The following CSMD3 variants were observed in gnomAD, a reference collection of about 807,000 sequenced individuals.
CSMD3 encodes CUB and sushi domain-containing protein 3.
In CSMD3, 177 loss-of-function variants were observed where a neutral mutation model predicts 435.2. The observed-to-expected ratio is 0.41, with a 90% CI of 0.36 to 0.46. The LOEUF is 0.46. Ranked by LOEUF, CSMD3 falls within the 20% of genes least tolerant of loss-of-function variation. The probability of loss-of-function intolerance (pLI) is 0.34; values close to 1 mark genes in which losing one functional copy is unlikely to be tolerated. For missense variants in CSMD3, 4,265 were observed against 4,504.6 expected (o/e 0.95, Z 1.52); for synonymous variants, 1,656 against 1,520.5 (o/e 1.09, Z -2.07).
chr8:112,259,607 T>TA (rs1458233335), intron 61 of CSMD3, among the ~76,000 whole-genome samples: 9 of 152,006 alleles, frequency 5.9e-5, no homozygotes, highest in Admixed American at 2.0e-4. Flanking sequence ...AAATAAATAT[T>TA]AAAATGAAAT....
intron 12 of CSMD3, among the ~76,000 whole-genome samples, chr8:112,801,564 AT>A: frequency 6.6e-6 from 1 of 152,212 alleles, no homozygotes; most frequent in South Asian, 2.1e-4. Flanking sequence ...GCCAAAAACC[AT>A]TTTAAATTAC....
intron 11 of CSMD3, among the ~76,000 whole-genome samples, chr8:112,858,663 C>G (rs1587494829): frequency 6.6e-6 from 1 of 151,826 alleles, no homozygotes; most frequent in Non-Finnish European, 1.5e-5. Flanking sequence ...GGCAATTCAA[C>G]TTTTTGAAAT....
Position 112,661,931 on chromosome 8 carries a change from G to A in CSMD3, c.2816+4346C>T, listed in dbSNP as rs565515399. On this transcript the variant is annotated intron_variant, in intron 17 of 70. Coordinates refer to ENST00000297405, the MANE Select transcript of CSMD3 (RefSeq NM_198123.2). Reference sequence around the variant, plus strand: ...ATCACTCTGCATAATAAAGTAATAGGTATTTTGAGACTTACCCTGCTATAT... The same window carrying A: ...ATCACTCTGCATAATAAAGTAATAGATATTTTGAGACTTACCCTGCTATAT... Among the ~76,000 whole-genome samples, 5 of 152,048 alleles carry A rather than the reference G, an allele frequency of 3.3e-5. No homozygotes were observed. The East Asian group carries it at 9.7e-4, about 29-fold the overall frequency.
intron 28 of CSMD3, among the ~76,000 whole-genome samples, chr8:112,514,737 A>C (rs766872072): frequency 3.9e-5 from 6 of 152,050 alleles, no homozygotes; most frequent in Non-Finnish European, 7.4e-5. Flanking sequence ...TTCTATATGC[A>C]AGCAAGCAAA....
chr8:113,278,273 A>G (rs777023177), intron 3 of CSMD3, among the ~76,000 whole-genome samples: 1 of 151,972 alleles, frequency 6.6e-6, no homozygotes, highest in East Asian at 1.9e-4. Flanking sequence ...AGACTGGCAC[A>G]GCACAAGGGA....
chr8:112,805,031 T>G (rs1338341368), intron 12 of CSMD3, among the ~76,000 whole-genome samples: 2 of 152,148 alleles, frequency 1.3e-5, no homozygotes, highest in East Asian at 3.9e-4. Context: ...GAACACACGT[T>G]GTTGGTATTT....
At position 112,690,587 on chromosome 8, in the gene CSMD3, ACCC is replaced by A. The variant is rs5894099; in HGVS notation, c.1973-540_1973-538del. Among the ~76,000 whole-genome samples, 20 of 131,218 alleles carry A rather than the reference ACCC, an allele frequency of 1.5e-4. No homozygotes were observed. The East Asian group carries it at 3.3e-3, about 22-fold the overall frequency. 86.1% of individuals were successfully genotyped at this position (131,218 alleles called of 152,430 possible). ...TTGGTTGAATTATTTTCCCAACTAG[ACCC>A]CCCCCCCCAACAAAAAAAAAATCTT... On this transcript the variant is annotated intron_variant, in intron 13 of 70. Transcript: ENST00000297405.
At chr8:112,934,751 A>T (rs1188215948) in intron 9 of CSMD3, among the ~76,000 whole-genome samples, 1 of 152,082 alleles carries the variant, frequency 6.6e-6, no homozygotes, top group East Asian at 1.9e-4. Flanking sequence ...AATTACTAAG[A>T]CACTCGGGAC....
intron 27 of CSMD3, among the ~76,000 whole-genome samples, chr8:112,519,896 A>G (rs1169346986): frequency 6.6e-6 from 1 of 152,168 alleles, no homozygotes; most frequent in Non-Finnish European, 1.5e-5. Context: ...TAAGTGTTGA[A>G]TAGAGCGTAA....
At chr8:113,095,265 C>T (rs1007032722) in intron 5 of CSMD3, among the ~76,000 whole-genome samples, 1 of 151,998 alleles carries the variant, frequency 6.6e-6, no homozygotes, top group African/African-American at 2.4e-5. Context: ...AATTTAGGAA[C>T]GTATTTTATA....
intron 10 of CSMD3, among the ~76,000 whole-genome samples, chr8:112,905,626 A>G (rs2082241309): frequency 6.6e-6 from 1 of 151,416 alleles, no homozygotes; most frequent in Non-Finnish European, 1.5e-5. Context: ...ATTATAAAAG[A>G]TTTCAACTCT....
chr8:113,210,054 G>GTGTTTTCTAA (rs1563549948), intron 3 of CSMD3, among the ~76,000 whole-genome samples: 1 of 145,010 alleles, frequency 6.9e-6, no homozygotes, highest in Non-Finnish European at 1.5e-5. Flanking sequence ...GTGATACACA[G>GTGTTTTCTAA]TGTTTTCTAA....
At chr8:112,464,837 G>T (rs1257903016) in intron 32 of CSMD3, among the ~76,000 whole-genome samples, 1 of 152,010 alleles carries the variant, frequency 6.6e-6, no homozygotes, top group Non-Finnish European at 1.5e-5. Context: ...ATTTCAATAA[G>T]GCACACCCTA....
At chr8:113,108,414 G>A (rs906170531) in intron 4 of CSMD3, among the ~76,000 whole-genome samples, 15 of 136,274 alleles carry the variant, frequency 1.1e-4, no homozygotes, top group African/African-American at 4.1e-4. Flanking sequence ...GTGAGAGGAC[G>A]AGACGCCATC....
At chr8:112,379,311 A>G (rs1010355908) in intron 38 of CSMD3, among the ~76,000 whole-genome samples, 5 of 152,096 alleles carry the variant, frequency 3.3e-5, no homozygotes, top group Admixed American at 3.3e-4. Flanking sequence ...CTCTACTAAA[A>G]ATATAAAATT....
At chr8:113,404,726 G>T (rs182287052) in intron 1 of CSMD3, among the ~76,000 whole-genome samples, 8 of 151,170 alleles carry the variant, frequency 5.3e-5, no homozygotes, top group Non-Finnish European at 3.0e-5. Context: ...GTGTATCTGA[G>T]AATTAAAATA....
chr8:113,370,544 T>C (rs1401383173), intron 1 of CSMD3, among the ~76,000 whole-genome samples: 3 of 152,086 alleles, frequency 2.0e-5, no homozygotes, highest in Admixed American at 6.5e-5. Context: ...TTCTCAAAAT[T>C]AAGCCATTCA....
At chr8:112,395,160 T>C (rs1433108303) in intron 35 of CSMD3, among the ~76,000 whole-genome samples, 1 of 152,202 alleles carries the variant, frequency 6.6e-6, no homozygotes, top group African/African-American at 2.4e-5. Flanking sequence ...TAAATTTCTG[T>C]TCTGATCAGT....
intron 30 of CSMD3, among the ~76,000 whole-genome samples, chr8:112,498,666 C>G (rs1821618220): frequency 6.6e-6 from 1 of 152,106 alleles, no homozygotes; most frequent in Admixed American, 6.5e-5. Context: ...TACTAATTTA[C>G]AGTAGAACCT....
Sources: gnomAD v4.1 joint callset for allele counts (sites outside exome capture counted in the v4.1 genomes callset) on GRCh38, gnomAD v4.1.1 for gene constraint, MANE v1.5 for transcripts, NCBI Gene and HGNC (gene_info 2026-07-23, HGNC 2026-07-21) for gene names.